RSRC1: variants seen among roughly 807,000 people sequenced by gnomAD.
The protein encoded by RSRC1 is arginine and serine rich coiled-coil 1.
Under a neutral mutation model 49.1 loss-of-function variants are expected in RSRC1, and 39 were observed. The ratio of observed to expected loss-of-function variants is 0.79; its 90% CI spans 0.61 to 1.04. RSRC1 has a LOEUF of 1.04. RSRC1 is among the 50% of genes least tolerant of loss of function. RSRC1 has a pLI of 0.00. For missense variants in RSRC1, 388 were observed against 402.4 expected (o/e 0.96, Z 0.31); for synonymous variants, 143 against 130.8 (o/e 1.09, Z -0.63).
chr3:158,201,576 A>AT (rs1401204991), intron 3 of RSRC1, among the ~76,000 whole-genome samples: 2 of 152,128 alleles, frequency 1.3e-5, no homozygotes, highest in East Asian at 3.9e-4. Flanking sequence ...ATATTGGGTA[A>AT]TTTTGATTGA....
intron 6 of RSRC1, among the ~76,000 whole-genome samples, chr3:158,367,493 A>T (rs1366615746): frequency 6.6e-6 from 1 of 152,152 alleles, no homozygotes; most frequent in Non-Finnish European, 1.5e-5. Flanking sequence ...AGCTGACTTG[A>T]TCATGGTGGA....
intron 7 of RSRC1, among the ~76,000 whole-genome samples, chr3:158,526,827 T>G (rs1712061170): frequency 6.6e-6 from 1 of 151,994 alleles, no homozygotes. Context: ...AGGTATCCAT[T>G]TGCTTCTGAC....
intron 4 of RSRC1, among the ~76,000 whole-genome samples, chr3:158,281,054 C>T (rs1726129385): frequency 6.6e-6 from 1 of 152,016 alleles, no homozygotes; most frequent in African/African-American, 2.4e-5. Flanking sequence ...TTAAGAAAGA[C>T]TAGGATGGAG....
intron 7 of RSRC1, among the ~76,000 whole-genome samples, chr3:158,534,844 A>G (rs893450775): frequency 6.6e-6 from 1 of 151,556 alleles, no homozygotes; most frequent in African/African-American, 2.4e-5. Flanking sequence ...GGTAAGATAC[A>G]TAGTAGTATG....
intron 4 of RSRC1, among the ~76,000 whole-genome samples, chr3:158,289,471 A>G (rs1726784074): frequency 6.6e-6 from 1 of 152,242 alleles, no homozygotes; most frequent in Non-Finnish European, 1.5e-5. Context: ...AAAGATAACA[A>G]AACACTTAAA....
At chr3:158,120,968 C>T (rs1478671463) in intron 1 of RSRC1, among the ~76,000 whole-genome samples, 3 of 151,462 alleles carry the variant, frequency 2.0e-5, no homozygotes, top group Non-Finnish European at 4.4e-5. Context: ...AAGTTAATTC[C>T]TAAATATGAA....
At chr3:158,410,624 CA>C (rs1165441752) in intron 6 of RSRC1, among the ~76,000 whole-genome samples, 1 of 152,080 alleles carries the variant, frequency 6.6e-6, no homozygotes, top group Non-Finnish European at 1.5e-5. Flanking sequence ...AGAAGGTGCT[CA>C]AAAAGTATCT....
At chr3:158,426,514 A>C (rs1735454309) in intron 6 of RSRC1, among the ~76,000 whole-genome samples, 1 of 151,704 alleles carries the variant, frequency 6.6e-6, no homozygotes, top group Non-Finnish European at 1.5e-5. Context: ...GATCAACCAG[A>C]CTGCCAAAAA....
chr3:158,510,689 T>A (rs560457990), intron 7 of RSRC1, among the ~76,000 whole-genome samples: 1 of 152,354 alleles, frequency 6.6e-6, no homozygotes, highest in Admixed American at 6.5e-5. Flanking sequence ...TTTTTAAATG[T>A]ACAATTAAGT....
chr3:158,449,764 C>T (rs1736918015), intron 6 of RSRC1, among the ~76,000 whole-genome samples: 1 of 151,876 alleles, frequency 6.6e-6, no homozygotes, highest in Admixed American at 6.6e-5. Flanking sequence ...ATGATTTGTG[C>T]CGTAATTTCT....
At chr3:158,288,830 T>TC (rs1288963294) in intron 4 of RSRC1, among the ~76,000 whole-genome samples, 18 of 14,212 alleles carry the variant, frequency 1.3e-3, no homozygotes, top group African/African-American at 3.1e-3. Flanking sequence ...AGATGCACGT[T>TC]CCCCGCCCCC....
intron 3 of RSRC1, among the ~76,000 whole-genome samples, chr3:158,132,952 C>G (rs186023895): frequency 2.8e-4 from 42 of 152,222 alleles, no homozygotes; most frequent in African/African-American, 9.9e-4. Context: ...TGGAAATCCT[C>G]TAGTTTTGAG....
At chr3:158,440,197 C>T (rs575510562) in intron 6 of RSRC1, among the ~76,000 whole-genome samples, 91 of 146,370 alleles carry the variant, frequency 6.2e-4, no homozygotes, top group Non-Finnish European at 1.2e-4. Context: ...AAAAGTTCTT[C>T]GTGTTTGAAG....
chr3:158,470,758 A>G (rs956312063), intron 7 of RSRC1, among the ~76,000 whole-genome samples: 2 of 152,186 alleles, frequency 1.3e-5, no homozygotes, highest in East Asian at 3.8e-4. Context: ...TTTCCACCCT[A>G]TTGTAAACTA....
chr3:158,259,727 G>T, intron 4 of RSRC1, among the ~76,000 whole-genome samples: 1 of 152,090 alleles, frequency 6.6e-6, no homozygotes, highest in Middle Eastern at 3.4e-3. Flanking sequence ...GGCCTGGAGC[G>T]AGGAACCTTA....
chr3:158,214,921 C>A (rs1422062296), intron 4 of RSRC1, among the ~76,000 whole-genome samples: 2 of 151,698 alleles, frequency 1.3e-5, no homozygotes, highest in Admixed American at 1.3e-4. Context: ...CAATTAAATC[C>A]AGTTGGTTGA....
At chr3:158,299,204 T>C (rs935571385) in intron 5 of RSRC1, among the ~76,000 whole-genome samples, 16 of 152,182 alleles carry the variant, frequency 1.1e-4, no homozygotes, top group African/African-American at 3.6e-4. Flanking sequence ...TTAGGACATA[T>C]GGATATCAGA....
chr3:158,219,882 T>C (rs549091818), intron 4 of RSRC1, among the ~76,000 whole-genome samples: 21 of 151,700 alleles, frequency 1.4e-4, no homozygotes, highest in African/African-American at 5.1e-4. Context: ...TTTGGATGAA[T>C]TGTTTGAATA....
At chr3:158,241,347 G>A (rs1723566941) in intron 4 of RSRC1, among the ~76,000 whole-genome samples, 2 of 152,038 alleles carry the variant, frequency 1.3e-5, no homozygotes, top group South Asian at 4.1e-4. Flanking sequence ...TACTCAGGAG[G>A]CTGAGGGATG....
Sources: gnomAD v4.1 joint callset for allele counts (sites outside exome capture counted in the v4.1 genomes callset) on GRCh38, gnomAD v4.1.1 for gene constraint, MANE v1.5 for transcripts, NCBI Gene and HGNC (gene_info 2026-07-23, HGNC 2026-07-21) for gene names.